Variants in PRKACA observed in about 807,000 individuals in gnomAD.
PRKACA encodes the protein cAMP-dependent protein kinase catalytic subunit alpha.
PRKACA carries 9 observed loss-of-function variants against 45.8 expected under a neutral mutation model. The observed-to-expected ratio is 0.20, with a 90% CI of 0.12 to 0.34. The LOEUF is 0.34. PRKACA is among the 10% of genes least tolerant of loss of function. PRKACA has a pLI of 1.00. For synonymous variants in PRKACA, 160 were observed against 178.6 expected (o/e 0.90, Z 0.83); for missense variants, 238 against 458.6 (o/e 0.52, Z 4.39).
intron 1 of PRKACA, chr19:14,114,055 G>T: frequency 6.7e-7 from 1 of 1,496,310 alleles, no homozygotes; most frequent in Non-Finnish European, 9.2e-7. Context: ...CTGTGCCCCA[G>T]ACCCCGCTGC....
intron 3 of PRKACA, among the ~76,000 whole-genome samples, chr19:14,103,982 G>T (rs80001335): frequency 0.011 from 1,612 of 152,080 alleles, 25 homozygotes; most frequent in African/African-American, 0.03. Context: ...GCTGAGGTGG[G>T]AGGATCATTT....
At chr19:14,096,999 A>G (rs1392174153) in intron 8 of PRKACA, 1 of 353,742 alleles carries the variant, frequency 2.8e-6, no homozygotes, top group East Asian at 7.4e-5. Context: ...GCACCTGGGA[A>G]CAGGAACCAA....
chr19:14,106,894 G>A lies in PRKACA; in HGVS notation c.109-6C>T, dbSNP rs74735707. The A allele has an allele frequency of 1.5e-3, 2,371 of 1,614,138 alleles. 6 individuals carry two copies. Among genetic ancestry groups the A allele is most frequent in the Non-Finnish European group, 1.8e-3 (2,134 of 1,179,990 alleles). On this transcript the variant is annotated splice_polypyrimidine_tract_variant and splice_region_variant and intron_variant, in intron 2 of 9. Coordinates refer to ENST00000308677, the MANE Select transcript of PRKACA (RefSeq NM_002730.4). The stretch of plus-strand genomic sequence containing the variant: ...TGATCCAAGTGGGCTGTGTTCTGTG[G>A]GCAGAGGGGTCGGTAGGCTCAGGGC...
Position 14,093,158 on chromosome 19 carries a change from CG to C in PRKACA, c.1009del (p.Arg337GlyfsTer53). The C allele has an allele frequency of 6.2e-7, 1 of 1,613,812 alleles. No homozygotes were observed. The highest frequency in any genetic ancestry group is 8.5e-7 in the Non-Finnish European group (1 of 1,179,920). On this transcript the variant is annotated frameshift_variant, in exon 10 of 10. Coordinates refer to ENST00000308677, the MANE Select transcript of PRKACA (RefSeq NM_002730.4). LOFTEE classifies it high-confidence loss of function. Reference protein sequence around the residue: ...NFDDYEEEEIRVSINEKCGKE... With the variant: ...NFDDYEEEEIXVSINEKCGKE... Reference sequence around the variant, plus strand: ...GCCACACTTCTCATTGATGGAGACCCGGATTTCTTCTTCCTCATAGTCGTCA... The same window carrying C: ...GCCACACTTCTCATTGATGGAGACCCGATTTCTTCTTCCTCATAGTCGTCA...
chr19:14,092,935 T>C lies in PRKACA; in HGVS notation c.*177A>G. ...GGGATGAGGGGGAGCAGCTGGTGTT[T>C]CTGTCCCTCTGATTATCTGGGCTTC... On this transcript the variant is annotated 3_prime_UTR_variant, in exon 10 of 10. Coordinates refer to ENST00000308677, the MANE Select transcript of PRKACA (RefSeq NM_002730.4). The C allele has an allele frequency of 1.3e-6, 1 of 748,202 alleles. No individual in the cohort carries two copies. Among genetic ancestry groups the C allele is most frequent in the Non-Finnish European group, 2.0e-6 (1 of 490,450 alleles). 46.3% of individuals were successfully genotyped at this position (748,202 alleles called of 1,614,324 possible). A position where few individuals can be genotyped will look rare whatever the true frequency, so the allele number is the denominator to read the frequency against.
chr19:14,092,873 G>C lies in PRKACA; in HGVS notation c.*239C>G. On this transcript the variant is annotated 3_prime_UTR_variant, in exon 10 of 10. Transcript: ENST00000308677. Reference sequence around the variant, plus strand: ...GGGGCTGGGGGGCTGTGGGGAAAGAGGAAGGGAAAAGTGGGAGAGGGGGCA... The same window carrying C: ...GGGGCTGGGGGGCTGTGGGGAAAGACGAAGGGAAAAGTGGGAGAGGGGGCA... The C allele has an allele frequency of 1.9e-6, 1 of 525,030 alleles. No homozygotes were observed. The highest frequency in any genetic ancestry group is 3.3e-6 in the Non-Finnish European group (1 of 300,450). The allele number at this position is 525,030 out of a possible 1,614,324, so 32.5% of individuals were successfully genotyped here.
At chr19:14,104,371 C>A (rs1977542164) in intron 3 of PRKACA, among the ~76,000 whole-genome samples, 1 of 144,858 alleles carries the variant, frequency 6.9e-6, no homozygotes, top group Non-Finnish European at 1.5e-5. Flanking sequence ...ACCAGCCAGG[C>A]CAAAATGGTG....
intron 3 of PRKACA, among the ~76,000 whole-genome samples, chr19:14,104,423 G>A (rs1265560855): frequency 3.5e-5 from 5 of 144,024 alleles, no homozygotes; most frequent in African/African-American, 1.3e-4. Flanking sequence ...CTGGCCAGGT[G>A]TGGTGGCTCA....
At chr19:14,093,940 C>G (rs1977170762) in intron 8 of PRKACA, 148 bp from the exon 9 acceptor site, 1 of 789,212 alleles carries the variant, frequency 1.3e-6, no homozygotes, top group Admixed American at 3.3e-5. Context: ...CTCCTTGAGC[C>G]TACCCTACAG....
chr19:14,114,073 C>A, intron 1 of PRKACA: 1 of 1,558,040 alleles, frequency 6.4e-7, no homozygotes, highest in South Asian at 1.2e-5. Context: ...TGCAGCCCCT[C>A]CCTGACTTAA....
intron 1 of PRKACA, among the ~76,000 whole-genome samples, chr19:14,110,459 C>T (rs1393837671): frequency 1.3e-5 from 2 of 151,854 alleles, no homozygotes; most frequent in African/African-American, 2.4e-5. Flanking sequence ...GTAGTCCCAG[C>T]TACTCAGGAG....
chr19:14,110,849 T>C (rs1455965896), intron 1 of PRKACA, among the ~76,000 whole-genome samples: 1 of 152,200 alleles, frequency 6.6e-6, no homozygotes. Context: ...GATTAACTAC[T>C]TCACTGCCAA....
At position 14,097,040 on chromosome 19, in the gene PRKACA, G is replaced by A. The variant is rs1210486580; in HGVS notation, c.765+321C>T. Reference sequence around the variant, plus strand: ...TTCGTTTTTCTGCCTTGGAATTTGCGAAAACTCACACTAACTGGGATGAGG... The same window carrying A: ...TTCGTTTTTCTGCCTTGGAATTTGCAAAAACTCACACTAACTGGGATGAGG... On this transcript the variant is annotated intron_variant, in intron 8 of 9. Transcript: ENST00000308677. This position sits in a 1 kb window ranked among gnomAD's most constrained non-coding sequence, Gnocchi z 5.4. The A allele has an allele frequency of 1.0e-5, 4 of 385,302 alleles. No individual in the cohort carries two copies. The highest frequency in any genetic ancestry group is 2.1e-5 in the African/African-American group (1 of 47,986). The allele number at this position is 385,302 out of a possible 1,614,324, so 23.9% of individuals were successfully genotyped here.
chr19:14,100,903 G>C lies in PRKACA; in HGVS notation c.342C>G (p.Asn114Lys). The C allele has an allele frequency of 6.2e-7, 1 of 1,614,048 alleles. No homozygotes were observed. The highest frequency in any genetic ancestry group is 8.5e-7 in the Non-Finnish European group (1 of 1,179,892). Residue 114 changes from asparagine (N) to lysine (K), a missense_variant, in exon 5 of 10, where the codon AAC becomes AAG. Transcript: ENST00000308677. ...ACTCCATGACCATGTATAAGTTTGAGTTGTCCTGTGGGAAGCAGTGGCTGG... is the reference window on the plus strand; with the variant it reads ...ACTCCATGACCATGTATAAGTTTGACTTGTCCTGTGGGAAGCAGTGGCTGG... ...LVKLEFSFKD[N>K]SNLYMVMEYV...
At position 14,102,807 on chromosome 19, in the gene PRKACA, G is replaced by C; in HGVS notation, c.336+9C>G. On this transcript the variant is annotated intron_variant, in intron 4 of 9. Coordinates refer to ENST00000308677, the MANE Select transcript of PRKACA (RefSeq NM_002730.4). ...AGTGACCCCCCGCCCTTGGCCACTG[G>C]GACCCCACCTTGAAGGAGAACTCGA... 1 of 1,612,452 alleles carries C rather than the reference G, an allele frequency of 6.2e-7. No homozygotes were observed. Among genetic ancestry groups the C allele is most frequent in the South Asian group, 1.1e-5 (1 of 91,048 alleles).
intron 5 of PRKACA, among the ~76,000 whole-genome samples, chr19:14,099,103 C>T (rs985762189): frequency 1.3e-5 from 2 of 151,970 alleles, no homozygotes; most frequent in African/African-American, 4.8e-5. Context: ...ACCAGCCTGG[C>T]CAACATGGTG....
chr19:14,098,790 G>A (rs773908434), intron 5 of PRKACA, among the ~76,000 whole-genome samples: 8 of 146,526 alleles, frequency 5.5e-5, no homozygotes, highest in East Asian at 4.0e-4. Context: ...CATGGCACCC[G>A]GCCTCCACCT....
intron 1 of PRKACA, among the ~76,000 whole-genome samples, chr19:14,117,125 C>T (rs1967124075): frequency 6.8e-6 from 1 of 146,084 alleles, no homozygotes; most frequent in Non-Finnish European, 1.5e-5. Flanking sequence ...CGGGGTCAGG[C>T]AGAGGATCCC....
chr19:14,110,031 CG>C (rs1489454383), intron 1 of PRKACA, among the ~76,000 whole-genome samples: 2 of 122,954 alleles, frequency 1.6e-5, no homozygotes, highest in East Asian at 5.0e-4. Context: ...TAGGGAGAGC[CG>C]GGAACGGTGG....
Sources: allele counts gnomAD v4.1 joint callset (sites outside exome capture counted in the v4.1 genomes callset), GRCh38; gene constraint gnomAD v4.1.1; non-coding constraint Gnocchi (gnomAD v3.1); transcripts MANE v1.5; gene names NCBI Gene and HGNC (gene_info 2026-07-23, HGNC 2026-07-21).